The following FARP2 variants were observed in gnomAD, a reference collection of about 807,000 sequenced individuals.
The protein encoded by FARP2 is FERM, ARH/RhoGEF and pleckstrin domain protein 2, also known as FERM, ARHGEF and pleckstrin domain-containing protein 2.
Under a neutral mutation model 130.5 loss-of-function variants are expected in FARP2, and 111 were observed. The observed-to-expected ratio is 0.85, with a 90% CI of 0.73 to 1.00. FARP2 has a LOEUF of 1.00. Among genes scored for constraint, FARP2 ranks in the 50% least tolerant of loss-of-function variants. FARP2 has a pLI of 0.00. For synonymous variants in FARP2, 504 were observed against 516.9 expected (o/e 0.98, Z 0.34); for missense variants, 1,385 against 1,346.3 (o/e 1.03, Z -0.45).
Position 241,462,562 on chromosome 2 carries a change from A to T in FARP2, c.1627A>T (p.Ile543Phe). Residue 543 changes from isoleucine to phenylalanine, a missense_variant, in exon 15 of 27, where the codon ATT becomes TTT. Coordinates refer to ENST00000264042, the MANE Select transcript of FARP2 (RefSeq NM_014808.4). ...CGAGGCCTACTTCATAGTCAAAGAGATTCTCGCTACAGAACGAACATACCT... is the reference window on the plus strand; with the variant it reads ...CGAGGCCTACTTCATAGTCAAAGAGTTTCTCGCTACAGAACGAACATACCT... Reference protein sequence around the residue: ...ADEAYFIVKEILATERTYLKD... With the variant: ...ADEAYFIVKEFLATERTYLKD... 2.5e-6 allele frequency: 4 copies of T among 1,614,042 alleles called. No individual in the cohort carries two copies. Among genetic ancestry groups the T allele is most frequent in the Non-Finnish European group, 3.4e-6 (4 of 1,179,898 alleles).
intron 21 of FARP2, 79 bp downstream of exon 21, chr2:241,484,410 AATCCTT>A: frequency 8.6e-7 from 1 of 1,164,020 alleles, no homozygotes. Context: ...TGCAGAGGCG[AATCCTT>A]ACCCAGCAAC....
intron 13 of FARP2, among the ~76,000 whole-genome samples, chr2:241,447,777 G>A (rs1404667110): frequency 6.6e-6 from 1 of 152,158 alleles, no homozygotes; most frequent in East Asian, 1.9e-4. Flanking sequence ...CCCCACACAC[G>A]CCTGCGGGGG....
intron 2 of FARP2, among the ~76,000 whole-genome samples, chr2:241,403,491 C>T (rs1435319361): frequency 6.6e-6 from 1 of 152,208 alleles, no homozygotes. Context: ...GTATTATAGG[C>T]GTGAGCCACC....
At chr2:241,414,511 A>G (rs972077850) in intron 7 of FARP2, among the ~76,000 whole-genome samples, 1 of 152,192 alleles carries the variant, frequency 6.6e-6, no homozygotes, top group Admixed American at 6.5e-5. Context: ...TCAAAGTATG[A>G]GTGCCAGCTA....
chr2:241,420,686 A>T (rs3771568), intron 8 of FARP2, among the ~76,000 whole-genome samples: 1 of 152,150 alleles, frequency 6.6e-6, no homozygotes, highest in African/African-American at 2.4e-5. Context: ...GGCAGGGGTC[A>T]TCAGCCTCTT....
At chr2:241,457,170 AT>A (rs2063869285) in intron 14 of FARP2, among the ~76,000 whole-genome samples, 1 of 152,142 alleles carries the variant, frequency 6.6e-6, no homozygotes, top group African/African-American at 2.4e-5. Context: ...TTCCTTATTC[AT>A]TTAGCAAACG....
chr2:241,492,869 C>A, intron 24 of FARP2, 60 bp from the exon 25 acceptor site: 1 of 981,216 alleles, frequency 1.0e-6, no homozygotes, highest in Non-Finnish European at 1.6e-6. Flanking sequence ...GGAGCAAACC[C>A]ACTCCCACAA....
At chr2:241,481,417 C>A (rs1348669603) in intron 19 of FARP2, among the ~76,000 whole-genome samples, 2 of 152,170 alleles carry the variant, frequency 1.3e-5, no homozygotes, top group African/African-American at 4.8e-5. Context: ...CACACATGTT[C>A]ATTGAAGCAT....
chr2:241,454,757 T>G (rs780035780), intron 13 of FARP2, among the ~76,000 whole-genome samples: 80 of 152,216 alleles, frequency 5.3e-4, no homozygotes, highest in Non-Finnish European at 9.6e-4. Flanking sequence ...AATAAATTTG[T>G]TGTTAATAAT....
At chr2:241,357,524 T>A (rs901337252) in intron 1 of FARP2, among the ~76,000 whole-genome samples, 2 of 152,222 alleles carry the variant, frequency 1.3e-5, no homozygotes, top group African/African-American at 4.8e-5. Context: ...TCATGCTCGT[T>A]ATTTATTCAG....
At chr2:241,438,159 T>A (rs2063291819) in intron 12 of FARP2, among the ~76,000 whole-genome samples, 1 of 152,238 alleles carries the variant, frequency 6.6e-6, no homozygotes, top group South Asian at 2.1e-4. Context: ...TTCATGGTGC[T>A]ACAGTTTCAA....
chr2:241,484,632 C>T (rs572533118), intron 21 of FARP2, among the ~76,000 whole-genome samples: 3 of 152,340 alleles, frequency 2.0e-5, no homozygotes, highest in Admixed American at 2.0e-4. Context: ...CTGCTCCCCG[C>T]AAGCTTAGAG....
chr2:241,465,621 C>T, intron 17 of FARP2: 1 of 1,550,780 alleles, frequency 6.4e-7, no homozygotes, highest in Non-Finnish European at 8.7e-7. Context: ...ATTGACTGTT[C>T]AGGGGTCTCA....
At position 241,462,555 on chromosome 2, in the gene FARP2, CAA is replaced by C. The variant is rs766628825; in HGVS notation, c.1622_1623del (p.Lys541ArgfsTer47). On this transcript the variant is annotated frameshift_variant, in exon 15 of 27. Transcript: ENST00000264042. LOFTEE classifies it high-confidence loss of function. ...CTGCAGACGAGGCCTACTTCATAGT[CAA>C]AGAGATTCTCGCTACAGAACGAACA... ...VPADEAYFIV[K>X]EILATERTYL... 1.6e-5 allele frequency: 26 copies of C among 1,613,910 alleles called. No individual in the cohort carries two copies. Among genetic ancestry groups the C allele is most frequent in the South Asian group, 1.3e-4 (12 of 91,068 alleles).
chr2:241,452,609 A>G (rs2063689119), intron 13 of FARP2, among the ~76,000 whole-genome samples: 2 of 151,914 alleles, frequency 1.3e-5, no homozygotes, highest in East Asian at 3.9e-4. Context: ...TCAAGTTCAG[A>G]TTGGACTTCA....
intron 8 of FARP2, among the ~76,000 whole-genome samples, chr2:241,423,382 A>G (rs1368500995): frequency 6.6e-6 from 1 of 152,188 alleles, no homozygotes; most frequent in Non-Finnish European, 1.5e-5. Context: ...GCAAAACAGA[A>G]ATAAGATTCT....
At chr2:241,410,820 G>A in intron 5 of FARP2, 1 of 518,642 alleles carries the variant, frequency 1.9e-6, no homozygotes, top group Non-Finnish European at 3.5e-6. Flanking sequence ...AGTCTGCTGA[G>A]TTGGTTTATC....
At chr2:241,427,787 A>G (rs2062981898) in intron 8 of FARP2, among the ~76,000 whole-genome samples, 2 of 151,168 alleles carry the variant, frequency 1.3e-5, no homozygotes, top group Admixed American at 6.6e-5. Flanking sequence ...TGTTTTTGAG[A>G]TGGAGTCTCA....
Position 241,435,036 on chromosome 2 carries a change from C to T in FARP2, c.1100+6C>T, listed in dbSNP as rs748962000. On this transcript the variant is annotated splice_donor_region_variant and intron_variant, in intron 11 of 26. Coordinates refer to ENST00000264042, the MANE Select transcript of FARP2 (RefSeq NM_014808.4). ...AAGAGAATTCCATATGAAAGGTAAG[C>T]TCTGGCCTTTATGATGTAAAGTGTG... The T allele has an allele frequency of 3.2e-6, 5 of 1,539,616 alleles. No individual in the cohort carries two copies. Among genetic ancestry groups the T allele is most frequent in the Non-Finnish European group, 4.5e-6 (5 of 1,122,954 alleles).
Sources: allele counts gnomAD v4.1 joint callset (sites outside exome capture counted in the v4.1 genomes callset), GRCh38; gene constraint gnomAD v4.1.1; transcripts MANE v1.5; gene names NCBI Gene and HGNC (gene_info 2026-07-23, HGNC 2026-07-21).